The following ZMYM5 variants were observed in gnomAD, a reference collection of about 807,000 sequenced individuals.
ZMYM5 encodes the protein zinc finger MYM-type containing 5.
A neutral mutation model predicts 61.8 loss-of-function variants in ZMYM5; 41 were observed. The observed-to-expected ratio is 0.66, with a 90% CI of 0.52 to 0.86. ZMYM5 has a LOEUF of 0.86. Ranked by LOEUF, ZMYM5 falls within the 40% of genes least tolerant of loss-of-function variation. The pLI, the probability that ZMYM5 is intolerant of heterozygous loss-of-function variation, is 0.00. For synonymous variants in ZMYM5, 257 were observed against 276.4 expected (o/e 0.93, Z 0.70); for missense variants, 706 against 786.7 (o/e 0.90, Z 1.23).
At chr13:19,854,806 ATAAG>A (rs1289547379) in intron 2 of ZMYM5, among the ~76,000 whole-genome samples, 7 of 152,150 alleles carry the variant, frequency 4.6e-5, no homozygotes, top group African/African-American at 1.7e-4. Flanking sequence ...GAGCCAGGAG[ATAAG>A]TAACCTGCCT....
Position 19,851,995 on chromosome 13 carries a change from A to G in ZMYM5, c.186T>C (p.Phe62=). Residue 62 remains phenylalanine, a synonymous_variant, in exon 3 of 8, where the codon TTT becomes TTC. Coordinates refer to ENST00000337963, the MANE Select transcript of ZMYM5 (RefSeq NM_001142684.2). ...TTGAAGGAGGTTGTATAGATTCAAT[A>G]AACACAACATCATCATCATCATCAT... ...EDDDDDDDVV[F]IESIQPPSIS... 1.2e-6 allele frequency: 2 copies of G among 1,614,028 alleles called. No individual in the cohort carries two copies. The highest frequency in any genetic ancestry group is 1.7e-6 in the Non-Finnish European group (2 of 1,180,018).
chr13:19,841,186 A>T (rs986872854), intron 4 of ZMYM5, among the ~76,000 whole-genome samples: 2 of 151,266 alleles, frequency 1.3e-5, no homozygotes, highest in African/African-American at 4.9e-5. Flanking sequence ...GCTGGTCTTG[A>T]ACTCCTGACC....
At chr13:19,846,745 C>T (rs1405710277) in intron 4 of ZMYM5, among the ~76,000 whole-genome samples, 3 of 150,718 alleles carry the variant, frequency 2.0e-5, no homozygotes, top group Admixed American at 2.0e-4. Flanking sequence ...GTACCAAATA[C>T]AGTCCCCCCC....
intron 2 of ZMYM5, among the ~76,000 whole-genome samples, chr13:19,860,019 G>A (rs1257594905): frequency 7.1e-6 from 1 of 139,932 alleles, no homozygotes; most frequent in Admixed American, 7.5e-5. Flanking sequence ...CACAAGAATC[G>A]CTTGAGCCCA....
In ZMYM5 at chr13:19,851,346, A is replaced by G. The variant is rs767954795; in HGVS notation, c.586+9T>C. The G allele has an allele frequency of 7.5e-6, 12 of 1,609,404 alleles. No homozygotes were observed. In the Admixed American group the frequency reaches 2.0e-4, roughly 27 times the overall value. On this transcript the variant is annotated intron_variant, in intron 4 of 7. Transcript: ENST00000337963. ...ACTTGAGGTAGAAACAGTATCACTT[A>G]CTGCTTACCAGGACTATGATGAGTT...
intron 7 of ZMYM5, among the ~76,000 whole-genome samples, chr13:19,830,204 GCT>G (rs1194114077): frequency 1.3e-5 from 2 of 152,168 alleles, no homozygotes; most frequent in African/African-American, 2.4e-5. Flanking sequence ...TCAGCAATAA[GCT>G]ACTAAGTGCA....
intron 7 of ZMYM5, among the ~76,000 whole-genome samples, chr13:19,829,272 T>A (rs1302068700): frequency 3.3e-5 from 5 of 152,158 alleles, no homozygotes; most frequent in Admixed American, 2.0e-4. Context: ...AACAATTTTT[T>A]AAATATATAC....
chr13:19,825,309 A>G, intron 7 of ZMYM5, 74 bp from the exon 8 acceptor site: 2 of 1,136,752 alleles, frequency 1.8e-6, no homozygotes, highest in East Asian at 6.0e-5. Context: ...AATGCTCAAT[A>G]AGCACATGCT....
At chr13:19,831,733 A>G (rs1891225854) in intron 7 of ZMYM5, among the ~76,000 whole-genome samples, 2 of 111,436 alleles carry the variant, frequency 1.8e-5, no homozygotes, top group South Asian at 3.3e-4. Context: ...CGGGAGGTGG[A>G]GGTTATAGTG....
rs1953056798 is a variant in ZMYM5 at position 19,845,893 on chromosome 13, G to T, written c.586+5462C>A. Among the ~76,000 whole-genome samples, 3 of 152,226 alleles carry T rather than the reference G, an allele frequency of 2.0e-5. No individual in the cohort carries two copies. The South Asian group carries it at 6.2e-4, about 32-fold the overall frequency. ...GTTTTATTTGGGTTTCATTACGTAG[G>T]CATGACTCATTGGTCATATGACTGA... On this transcript the variant is annotated intron_variant, in intron 4 of 7. Transcript: ENST00000337963.
chr13:19,844,713 C>T (rs970546903), intron 4 of ZMYM5, among the ~76,000 whole-genome samples: 2 of 152,072 alleles, frequency 1.3e-5, no homozygotes, highest in Non-Finnish European at 2.9e-5. Flanking sequence ...TCTCTGCCTC[C>T]AGGGTTCAAG....
chr13:19,840,987 C>T (rs1325106614), intron 4 of ZMYM5, among the ~76,000 whole-genome samples: 1 of 112,194 alleles, frequency 8.9e-6, no homozygotes, highest in Non-Finnish European at 1.8e-5. Context: ...CACCTGGCCA[C>T]TTTTTACTTT....
chr13:19,830,286 G>A (rs908187824), intron 7 of ZMYM5, among the ~76,000 whole-genome samples: 3 of 152,208 alleles, frequency 2.0e-5, no homozygotes, highest in African/African-American at 7.2e-5. Context: ...AAATACTCAT[G>A]TGTTTGGGGT....
chr13:19,826,772 A>C (rs915140627), intron 7 of ZMYM5, among the ~76,000 whole-genome samples: 1 of 151,990 alleles, frequency 6.6e-6, no homozygotes, highest in Non-Finnish European at 1.5e-5. Context: ...AAAAAAAAAA[A>C]AAACTGTGTC....
intron 4 of ZMYM5, among the ~76,000 whole-genome samples, chr13:19,844,414 A>G (rs9552016): frequency 0.11 from 16,420 of 152,278 alleles, 1,012 homozygotes; most frequent in Middle Eastern, 0.14. Context: ...AGAGATTGCA[A>G]GAGTTCTATG....
intron 4 of ZMYM5, among the ~76,000 whole-genome samples, chr13:19,839,226 T>C (rs1044735850): frequency 2.0e-4 from 30 of 151,068 alleles, no homozygotes; most frequent in African/African-American, 6.9e-4. Context: ...AATTGTGTAA[T>C]GTGGTAGCCA....
chr13:19,855,348 C>CAGGCGGA (rs1259106180), intron 2 of ZMYM5, among the ~76,000 whole-genome samples: 2 of 151,858 alleles, frequency 1.3e-5, no homozygotes, highest in Non-Finnish European at 2.9e-5. Flanking sequence ...CTGCAAGCTC[C>CAGGCGGA]GCCTGCCAGG....
Position 19,823,621 on chromosome 13 carries a change from C to T in ZMYM5, c.*856G>A, listed in dbSNP as rs1890771936. On this transcript the variant is annotated 3_prime_UTR_variant, in exon 8 of 8. Transcript: ENST00000337963. ...TAAAACCAATAAAATGGAAATTAAC[C>T]ATCATTAACATAACAAATAATGCTG... is the stretch of plus-strand genomic sequence containing the variant. 1 of 151,596 alleles carries T rather than the reference C, an allele frequency of 6.6e-6. No individual in the cohort carries two copies. The highest frequency in any genetic ancestry group is 2.4e-5 in the African/African-American group (1 of 41,254). The allele number at this position is 151,596 out of a possible 1,614,324, so 9.4% of individuals were successfully genotyped here. A position where few individuals can be genotyped will look rare whatever the true frequency, so the allele number is the denominator to read the frequency against.
intron 7 of ZMYM5, among the ~76,000 whole-genome samples, chr13:19,834,839 C>A (rs1324717841): frequency 6.6e-6 from 1 of 152,090 alleles, no homozygotes; most frequent in Non-Finnish European, 1.5e-5. Flanking sequence ...CAGGCACACA[C>A]CAACTCGCCT....
Sources: gnomAD v4.1 joint callset for allele counts (sites outside exome capture counted in the v4.1 genomes callset) on GRCh38, gnomAD v4.1.1 for gene constraint, MANE v1.5 for transcripts, NCBI Gene and HGNC (gene_info 2026-07-23, HGNC 2026-07-21) for gene names.